Variants in PKHD1L1 observed in about 807,000 individuals in gnomAD.
PKHD1L1 encodes the protein fibrocystin-L.
In PKHD1L1, 434 loss-of-function variants were observed where a neutral mutation model predicts 462.9. The observed-to-expected ratio is 0.94, with a 90% confidence interval of 0.87 to 1.02. The LOEUF is 1.02. Among genes scored for constraint, PKHD1L1 ranks in the 50% least tolerant of loss-of-function variants. PKHD1L1 has a pLI of 0.00. For missense variants in PKHD1L1, 5,202 were observed against 5,096.1 expected, an observed-to-expected ratio of 1.02 and a Z score of -0.63; for synonymous variants, 1,781 against 1,750.0, an observed-to-expected ratio of 1.02 and a Z score of -0.44.
At chr8:109,470,014 G>C (rs1045625521) in intron 50 of PKHD1L1, 1 of 351,446 alleles carries the variant, frequency 2.8e-6, no homozygotes, top group Non-Finnish European at 5.1e-6. Context: ...ATACCTGTGA[G>C]TAAACTGAAC....
chr8:109,395,729 T>A (rs898548985), intron 10 of PKHD1L1, among the ~76,000 whole-genome samples: 2 of 152,200 alleles, frequency 1.3e-5, no homozygotes, highest in African/African-American at 4.8e-5. Context: ...TCTACCTGCC[T>A]TCGTGCTCAG....
At position 109,362,718 on chromosome 8, in the gene PKHD1L1, C is replaced by A. The variant is rs1198234123; in HGVS notation, c.73+65C>A. ...CCCGCGTAGACACTACCCCTGCTCC[C>A]GGGGTCCTGGGAGAGGCAGGACCAC... On this transcript the variant is annotated intron_variant, in intron 1 of 77. Coordinates refer to ENST00000378402, the MANE Select transcript of PKHD1L1 (RefSeq NM_177531.6). The A allele has an allele frequency of 2.6e-6, 4 of 1,515,358 alleles. No homozygotes were observed. In the African/African-American group the frequency reaches 5.5e-5, roughly 21 times the overall value. 93.9% of individuals were successfully genotyped at this position (1,515,358 alleles called of 1,614,324 possible).
chr8:109,395,939 G>A, intron 10 of PKHD1L1, 88 bp from the exon 11 acceptor site: 1 of 834,300 alleles, frequency 1.2e-6, no homozygotes. Flanking sequence ...AGGCACTATG[G>A]CTAGGTAATT....
intron 46 of PKHD1L1, among the ~76,000 whole-genome samples, chr8:109,457,841 T>A (rs73704011): frequency 7.6e-4 from 116 of 152,282 alleles, no homozygotes; most frequent in African/African-American, 2.7e-3. Context: ...CATTGTATCA[T>A]CCGAATCCAG....
In PKHD1L1 at chr8:109,515,154, T is replaced by A. The variant is rs372533419; in HGVS notation, c.11554-16T>A. 2 of 1,520,846 alleles carry A rather than the reference T, an allele frequency of 1.3e-6. No homozygotes were observed. Among genetic ancestry groups the A allele is most frequent in the African/African-American group, 1.4e-5 (1 of 70,802 alleles). The allele number at this position is 1,520,846 out of a possible 1,614,324, so 94.2% of individuals were successfully genotyped here. On this transcript the variant is annotated splice_polypyrimidine_tract_variant and intron_variant, in intron 71 of 77. Transcript: ENST00000378402. ...TCTATTTTGTTGCTTTCTTAAAACT[T>A]TTTTTTCTTTAATAGGCTGTTCTAG... is the stretch of plus-strand genomic sequence containing the variant.
intron 41 of PKHD1L1, 31 bp from the exon 42 acceptor site, chr8:109,452,093 A>C: frequency 6.3e-7 from 1 of 1,594,428 alleles, no homozygotes; most frequent in South Asian, 1.1e-5. Flanking sequence ...TGAGAAAAAC[A>C]TACATGTTAT....
intron 8 of PKHD1L1, among the ~76,000 whole-genome samples, chr8:109,389,515 T>A (rs991086510): frequency 1.4e-5 from 2 of 145,318 alleles, no homozygotes; most frequent in African/African-American, 5.1e-5. Flanking sequence ...TGTGTGTGTG[T>A]GTGTGTGTGT....
At position 109,394,569 on chromosome 8, in the gene PKHD1L1, G is replaced by T. The variant is rs560738138; in HGVS notation, c.811+84G>T. On this transcript the variant is annotated intron_variant, in intron 10 of 77. Transcript: ENST00000378402. Reference sequence around the variant, plus strand: ...TTTAATCAAACCAAAGACAATGAGTGTAAGGTGTATTATATTATTTGATGT... The same window carrying T: ...TTTAATCAAACCAAAGACAATGAGTTTAAGGTGTATTATATTATTTGATGT... The T allele has an allele frequency of 3.4e-6, 3 of 877,458 alleles. No individual in the cohort carries two copies. In the Admixed American group the frequency reaches 9.8e-5, roughly 29 times the overall value. The allele number at this position is 877,458 out of a possible 1,614,324, so 54.4% of individuals were successfully genotyped here.
intron 71 of PKHD1L1, among the ~76,000 whole-genome samples, chr8:109,511,349 C>T (rs1819969551): frequency 8.6e-6 from 1 of 116,200 alleles, no homozygotes; most frequent in Admixed American, 9.9e-5. Flanking sequence ...CCCCCCTCCC[C>T]CCACCCCACA....
intron 14 of PKHD1L1, among the ~76,000 whole-genome samples, chr8:109,403,330 T>C (rs1813369692): frequency 6.6e-6 from 1 of 152,202 alleles, no homozygotes; most frequent in Non-Finnish European, 1.5e-5. Flanking sequence ...GTGCATATCT[T>C]TTTGGTCACC....
At chr8:109,376,647 C>A (rs1258618915) in intron 2 of PKHD1L1, among the ~76,000 whole-genome samples, 1 of 152,168 alleles carries the variant, frequency 6.6e-6, no homozygotes, top group Non-Finnish European at 1.5e-5. Context: ...GACTCCACCC[C>A]CCAAATCTCA....
Position 109,462,742 on chromosome 8 carries a change from A to G in PKHD1L1, c.7383+834A>G, listed in dbSNP as rs543010103. The stretch of plus-strand genomic sequence containing the variant: ...TTTTTAGTAGAGACGGAGTTTCACC[A>G]TGTTGGCCAGAATGGTCTTGATCTC... On this transcript the variant is annotated intron_variant, in intron 48 of 77. Transcript: ENST00000378402. Among the ~76,000 whole-genome samples, 3 of 152,156 alleles carry G rather than the reference A, an allele frequency of 2.0e-5. No individual in the cohort carries two copies. The South Asian group carries it at 6.2e-4, about 32-fold the overall frequency.
chr8:109,420,765 A>G (rs1405524115), intron 23 of PKHD1L1, 75 bp downstream of exon 23: 5 of 1,138,390 alleles, frequency 4.4e-6, no homozygotes, highest in Non-Finnish European at 6.0e-6. Context: ...CAACATACAG[A>G]TGGAATATTT....
intron 40 of PKHD1L1, among the ~76,000 whole-genome samples, chr8:109,450,746 C>T (rs1816439977): frequency 6.6e-6 from 1 of 152,194 alleles, no homozygotes; most frequent in Non-Finnish European, 1.5e-5. Context: ...CAGGAAGAGT[C>T]TCCCCAGGAG....
chr8:109,369,049 G>A (rs1042826292), intron 2 of PKHD1L1, among the ~76,000 whole-genome samples: 5 of 151,602 alleles, frequency 3.3e-5, no homozygotes, highest in Admixed American at 6.6e-5. Flanking sequence ...GCACGATCTC[G>A]ACTCACTGCA....
rs918907161 is a variant in PKHD1L1 at position 109,531,825 on chromosome 8, A to G, written c.*1735A>G. Among the ~76,000 whole-genome samples the G allele has an allele frequency of 2.6e-5, 4 of 151,994 alleles. No individual in the cohort carries two copies. The highest frequency in any genetic ancestry group is 7.2e-5 in the African/African-American group (3 of 41,384). ...CACTTTTATACTCCCCTCAGTTCCA[A>G]CCCTGGTGGGGTGAAAAACCTCTGT... On this transcript the variant is annotated 3_prime_UTR_variant, in exon 78 of 78. Transcript: ENST00000378402.
At chr8:109,475,375 C>A in intron 51 of PKHD1L1, 106 bp downstream of exon 51, 1 of 943,944 alleles carries the variant, frequency 1.1e-6, no homozygotes, top group Non-Finnish European at 1.5e-6. Context: ...ACTTTCATCA[C>A]AAATTGAGCT....
chr8:109,477,731 C>A (rs529158755), intron 53 of PKHD1L1, among the ~76,000 whole-genome samples: 48 of 152,298 alleles, frequency 3.2e-4, no homozygotes, highest in African/African-American at 1.1e-3. Flanking sequence ...ACAGAGCTCA[C>A]TGATGGCATA....
intron 16 of PKHD1L1, among the ~76,000 whole-genome samples, chr8:109,405,526 A>G (rs1813490354): frequency 6.6e-6 from 1 of 152,168 alleles, no homozygotes; most frequent in African/African-American, 2.4e-5. Context: ...GGATGAGATC[A>G]TGTCCTTTTC....
Sources: allele counts gnomAD v4.1 joint callset (sites outside exome capture counted in the v4.1 genomes callset), GRCh38; gene constraint gnomAD v4.1.1; transcripts MANE v1.5; gene names NCBI Gene and HGNC (gene_info 2026-07-23, HGNC 2026-07-21).